Variants in CSMD1 observed in about 807,000 individuals in gnomAD.
The protein encoded by CSMD1 is CUB and sushi domain-containing protein 1.
CSMD1 carries 213 observed loss-of-function variants against 417.5 expected under a neutral mutation model. The ratio of observed to expected loss-of-function variants is 0.51; its 90% confidence interval spans 0.46 to 0.57. The LOEUF is 0.57. Among genes scored for constraint, CSMD1 ranks in the 20% least tolerant of loss-of-function variants. The pLI, the probability that CSMD1 is intolerant of heterozygous loss-of-function variation, is 0.00. For synonymous variants in CSMD1, 2,862 were observed against 1,736.8 expected, an observed-to-expected ratio of 1.65 and a Z score of -16.11; for missense variants, 6,923 against 4,529.7, an observed-to-expected ratio of 1.53 and a Z score of -15.17.
chr8:4,301,804 G>C (rs544541978), intron 3 of CSMD1, among the ~76,000 whole-genome samples: 1 of 152,230 alleles, frequency 6.6e-6, no homozygotes, highest in South Asian at 2.1e-4. Flanking sequence ...TTTGCCAGGG[G>C]GGTTCATTGT....
intron 6 of CSMD1, among the ~76,000 whole-genome samples, chr8:3,739,607 C>G (rs943377213): frequency 1.4e-4 from 21 of 152,112 alleles, no homozygotes; most frequent in African/African-American, 5.1e-4. Context: ...CACATTAAGT[C>G]TCTCAAAAGG....
intron 5 of CSMD1, among the ~76,000 whole-genome samples, chr8:3,760,873 G>C (rs1395981413): frequency 6.6e-6 from 1 of 152,070 alleles, no homozygotes; most frequent in Admixed American, 6.6e-5. Flanking sequence ...GCCCACAGGG[G>C]GACTAAGAAA....
intron 2 of CSMD1, among the ~76,000 whole-genome samples, chr8:4,538,486 T>C (rs915865614): frequency 4.6e-5 from 7 of 151,946 alleles, no homozygotes; most frequent in African/African-American, 7.2e-5. Context: ...CTACTAAAAA[T>C]AGAAAAATTA....
intron 1 of CSMD1, among the ~76,000 whole-genome samples, chr8:4,956,134 A>C (rs1322282825): frequency 1.3e-5 from 2 of 152,114 alleles, no homozygotes; most frequent in Non-Finnish European, 2.9e-5. Context: ...TCTCGCTCAT[A>C]ATGGATGACA....
intron 9 of CSMD1, among the ~76,000 whole-genome samples, chr8:3,575,347 T>G (rs1017146361): frequency 4.6e-5 from 7 of 152,126 alleles, no homozygotes; most frequent in African/African-American, 1.7e-4. Context: ...CAGCCTCATG[T>G]GCAATGTCAA....
chr8:3,138,726 T>A (rs1358430161), intron 41 of CSMD1, among the ~76,000 whole-genome samples: 1 of 152,152 alleles, frequency 6.6e-6, no homozygotes, highest in Admixed American at 6.5e-5. Flanking sequence ...CTGTGGCTGC[T>A]GGAGATATTT....
At chr8:4,482,776 A>C (rs559012211) in intron 2 of CSMD1, among the ~76,000 whole-genome samples, 1 of 152,288 alleles carries the variant, frequency 6.6e-6, no homozygotes, top group East Asian at 1.9e-4. Context: ...TGACTTGTTT[A>C]AAATAGCCAT....
chr8:3,305,974 C>G (rs771973740), intron 25 of CSMD1, among the ~76,000 whole-genome samples: 9 of 152,050 alleles, frequency 5.9e-5, no homozygotes, highest in Non-Finnish European at 1.2e-4. Flanking sequence ...GCCACTGCAC[C>G]CGGCCCCACA....
chr8:4,948,353 T>C (rs531289788), intron 1 of CSMD1, among the ~76,000 whole-genome samples: 12 of 152,020 alleles, frequency 7.9e-5, no homozygotes, highest in African/African-American at 2.7e-4. Context: ...TATTTGCACA[T>C]TTTTTTCTTA....
At chr8:4,081,790 T>A (rs1800147832) in intron 3 of CSMD1, among the ~76,000 whole-genome samples, 1 of 152,048 alleles carries the variant, frequency 6.6e-6, no homozygotes, top group African/African-American at 2.4e-5. Context: ...GCAAAACACT[T>A]GAATACACAA....
At position 3,794,678 on chromosome 8, in the gene CSMD1, T is replaced by G. The variant is rs897054893; in HGVS notation, c.819-40636A>C. On this transcript the variant is annotated intron_variant, in intron 5 of 69. Transcript: ENST00000635120. ...TGTGATTATTTGGTATTTATCCTAC[T>G]GGAAAAAATCTCACTGCTTGACTGT... Among the ~76,000 whole-genome samples, 3 of 152,138 alleles carry G rather than the reference T, an allele frequency of 2.0e-5. No individual in the cohort carries two copies. The East Asian group carries it at 5.8e-4, about 29-fold the overall frequency.
chr8:3,285,623 T>C (rs868044215), intron 25 of CSMD1, among the ~76,000 whole-genome samples: 1 of 151,994 alleles, frequency 6.6e-6, no homozygotes. Context: ...GGTCTTGAAC[T>C]CCTCACCTCA....
chr8:2,978,860 A>G, intron 54 of CSMD1, 60 bp from the exon 55 acceptor site: 3 of 1,399,372 alleles, frequency 2.1e-6, no homozygotes, highest in Non-Finnish European at 2.9e-6. Flanking sequence ...AACAAAATAG[A>G]TCAGAAATGA....
chr8:3,366,653 C>G (rs995785087), intron 20 of CSMD1, among the ~76,000 whole-genome samples: 1 of 152,134 alleles, frequency 6.6e-6, no homozygotes, highest in Non-Finnish European at 1.5e-5. Flanking sequence ...AGGGTAGAAA[C>G]CAATGCAATC....
rs1423763092 is a variant in CSMD1 at position 4,361,901 on chromosome 8, G to C, written c.415+58052C>G. On this transcript the variant is annotated intron_variant, in intron 3 of 69. Transcript: ENST00000635120. ...ACCCGGGAGGCGGAGCTTGCAGTGA[G>C]GCGAGTTCACTCCACTGCACGCCAA... is the stretch of plus-strand genomic sequence containing the variant. Among the ~76,000 whole-genome samples the C allele has an allele frequency of 2.0e-5, 3 of 152,084 alleles. No homozygotes were observed. The East Asian group carries it at 5.8e-4, about 29-fold the overall frequency.
intron 3 of CSMD1, among the ~76,000 whole-genome samples, chr8:4,389,354 T>A (rs1324845245): frequency 6.6e-6 from 1 of 152,138 alleles, no homozygotes; most frequent in Admixed American, 6.6e-5. Context: ...AGAGCTGATA[T>A]GTGGAGGGAG....
intron 26 of CSMD1, among the ~76,000 whole-genome samples, chr8:3,249,947 T>C (rs560172348): frequency 6.6e-6 from 1 of 152,232 alleles, no homozygotes; most frequent in Non-Finnish European, 1.5e-5. Context: ...ACAAAATTAT[T>C]ATATTTTGCA....
chr8:3,991,751 T>C (rs1455664269), intron 5 of CSMD1, among the ~76,000 whole-genome samples: 3 of 152,152 alleles, frequency 2.0e-5, no homozygotes, highest in African/African-American at 4.8e-5. Context: ...TGAAATGTGG[T>C]CTCAACTTTT....
intron 5 of CSMD1, among the ~76,000 whole-genome samples, chr8:3,795,115 G>GACACCTATCATGTACAGATATAGATAT: frequency 1.2e-5 from 1 of 83,126 alleles, no homozygotes; most frequent in Non-Finnish European, 2.3e-5. Flanking sequence ...TACAGCTATA[G>GACACCTATCATGTACAGATATAGATAT]ATATCTATCA....
Sources: allele counts gnomAD v4.1 joint callset (sites outside exome capture counted in the v4.1 genomes callset), GRCh38; gene constraint gnomAD v4.1.1; transcripts MANE v1.5; gene names NCBI Gene and HGNC (gene_info 2026-07-23, HGNC 2026-07-21).